Variants in CBL observed in about 807,000 individuals in gnomAD.
CBL encodes E3 ubiquitin-protein ligase CBL.
A neutral mutation model predicts 96.9 loss-of-function variants in CBL; 45 were observed. That is an observed-to-expected ratio of 0.46 (90% CI 0.37 to 0.60). The LOEUF is 0.60. CBL is among the 20% of genes least tolerant of loss of function. The pLI, the probability that CBL is intolerant of heterozygous loss-of-function variation, is 0.00. For synonymous variants in CBL, 420 were observed against 426.8 expected, an observed-to-expected ratio of 0.98 and a Z score of 0.20; for missense variants, 1,024 against 1,143.5, an observed-to-expected ratio of 0.90 and a Z score of 1.51.
intron 9 of CBL, among the ~76,000 whole-genome samples, chr11:119,280,687 C>T (rs1044578889): frequency 4.6e-5 from 7 of 152,242 alleles, no homozygotes; most frequent in Middle Eastern, 3.4e-3. Flanking sequence ...TCTGTCCCCT[C>T]GTTCAGAGTT....
chr11:119,287,466 G>T (rs1054228874), intron 11 of CBL, among the ~76,000 whole-genome samples: 1 of 152,206 alleles, frequency 6.6e-6, no homozygotes, highest in African/African-American at 2.4e-5. Context: ...TGGTACCTGT[G>T]GGGTGGATAG....
chr11:119,227,778 G>A (rs536185628), intron 1 of CBL, among the ~76,000 whole-genome samples: 1 of 152,252 alleles, frequency 6.6e-6, no homozygotes, highest in African/African-American at 2.4e-5. Context: ...TCGAACTCCT[G>A]ACCTCAGGTG....
At chr11:119,272,896 C>T (rs887129799) in intron 3 of CBL, among the ~76,000 whole-genome samples, 1 of 151,926 alleles carries the variant, frequency 6.6e-6, no homozygotes, top group Non-Finnish European at 1.5e-5. Context: ...GCTGTATTGT[C>T]TCTCTATATA....
At chr11:119,208,051 C>A (rs944850364) in intron 1 of CBL, among the ~76,000 whole-genome samples, 1 of 152,074 alleles carries the variant, frequency 6.6e-6, no homozygotes, top group South Asian at 2.1e-4. Flanking sequence ...ATTAATGACA[C>A]AAGTATTCGT....
chr11:119,284,300 CT>C (rs1182392228), intron 9 of CBL, among the ~76,000 whole-genome samples: 2 of 151,122 alleles, frequency 1.3e-5, no homozygotes, highest in South Asian at 2.1e-4. Context: ...CACTGCCATC[CT>C]TTTTTTTTAT....
chr11:119,253,934 C>T (rs1949691115), intron 2 of CBL, among the ~76,000 whole-genome samples: 1 of 141,046 alleles, frequency 7.1e-6, no homozygotes, highest in Non-Finnish European at 1.5e-5. Context: ...GAGGTGAGAT[C>T]ACTTGAGGCC....
At position 119,284,978 on chromosome 11, in the gene CBL, C is replaced by T. The variant is rs2135309933; in HGVS notation, c.1441C>T (p.Pro481Ser). 6.2e-7 allele frequency: 1 copy of T among 1,614,140 alleles called. No homozygotes were observed. Among genetic ancestry groups the T allele is most frequent in the Non-Finnish European group, 8.5e-7 (1 of 1,180,024 alleles). ...TTTTTATGTACCCTAGGTGGAACGG[C>T]CGCCTTCTCCATTCTCCATGGCCCC... ...KELAGAKVER[P>S]PSPFSMAPQA... is the part of the protein sequence containing the mutation. Residue 481 changes from proline to serine, a missense_variant, in exon 10 of 16, where the codon CCG becomes TCG. Pro to Ser is a moderately conservative substitution (Grantham distance 74). Around this residue, in one of 4 missense-constraint regions of CBL, gnomAD observed 695 missense variants for 661.6 expected, o/e 1.05. Coordinates refer to ENST00000264033, the MANE Select transcript of CBL (RefSeq NM_005188.4).
chr11:119,219,561 CCA>C (rs1949391498), intron 1 of CBL, among the ~76,000 whole-genome samples: 1 of 151,874 alleles, frequency 6.6e-6, no homozygotes, highest in Non-Finnish European at 1.5e-5. Flanking sequence ...TTTGAGGCAA[CCA>C]CTGAGGGTCT....
intron 12 of CBL, among the ~76,000 whole-genome samples, chr11:119,291,822 T>TTTTGTTTATA (rs1256757457): frequency 3.3e-5 from 5 of 152,160 alleles, no homozygotes; most frequent in Non-Finnish European, 7.4e-5. Context: ...TCCTTTGTGG[T>TTTTGTTTATA]TTTGTTTATA....
At position 119,234,073 on chromosome 11, in the gene CBL, C is replaced by G. The variant is rs187006201; in HGVS notation, c.443+1378C>G. 5.5e-4 allele frequency among the ~76,000 whole-genome samples: 83 copies of G among 152,254 alleles called. 1 individual carries two copies. The East Asian group carries it at 0.013, about 23-fold the overall frequency. ...CCAGGCTGGAGTGCAGTGGTGTGAT[C>G]TTGGCTCACCGCAACCTCCGCCTCT... is the stretch of plus-strand genomic sequence containing the variant. On this transcript the variant is annotated intron_variant, in intron 2 of 15. Coordinates refer to ENST00000264033, the MANE Select transcript of CBL (RefSeq NM_005188.4).
intron 6 of CBL, among the ~76,000 whole-genome samples, chr11:119,276,723 A>G (rs1213819206): frequency 6.6e-6 from 1 of 152,224 alleles, no homozygotes; most frequent in Non-Finnish European, 1.5e-5. Context: ...TTTTGAAGTG[A>G]TTAGGAAAAT....
At position 119,300,154 on chromosome 11, in the gene CBL, G is replaced by C. The variant is rs982137037; in HGVS notation, c.*373G>C. On this transcript the variant is annotated 3_prime_UTR_variant, in exon 16 of 16. Coordinates refer to ENST00000264033, the MANE Select transcript of CBL (RefSeq NM_005188.4). ...GTTAAGGATGTGGCCGTGTGTGTGT[G>C]TGTCTGCCTGTGGTTGTATGTGTCC... 9.5e-6 allele frequency: 5 copies of C among 524,438 alleles called. No individual in the cohort carries two copies. The highest frequency in any genetic ancestry group is 1.7e-5 in the Non-Finnish European group (5 of 296,906). The allele number at this position is 524,438 out of a possible 1,614,324, so 32.5% of individuals were successfully genotyped here. A position where few individuals can be genotyped will look rare whatever the true frequency, so the allele number is the denominator to read the frequency against.
intron 1 of CBL, among the ~76,000 whole-genome samples, chr11:119,210,649 A>G (rs1949309238): frequency 8.4e-6 from 1 of 119,364 alleles, no homozygotes; most frequent in African/African-American, 3.5e-5. Context: ...GATTTTCACC[A>G]TGTTGGCCAG....
chr11:119,284,275 C>T (rs1949963395), intron 9 of CBL, among the ~76,000 whole-genome samples: 2 of 152,018 alleles, frequency 1.3e-5, no homozygotes, highest in Admixed American at 1.3e-4. Context: ...AGGTTAATAT[C>T]TGCACCCCCC....
chr11:119,267,486 T>C (rs926985412), intron 2 of CBL, among the ~76,000 whole-genome samples: 1 of 152,210 alleles, frequency 6.6e-6, no homozygotes, highest in Admixed American at 6.5e-5. Context: ...ATAACCAGCA[T>C]GGTCCAGTTA....
intron 9 of CBL, among the ~76,000 whole-genome samples, chr11:119,281,170 C>G (rs1949930545): frequency 6.6e-6 from 1 of 152,186 alleles, no homozygotes; most frequent in Non-Finnish European, 1.5e-5. Context: ...TGCCACACTA[C>G]TTGTCACCCT....
rs971381642 is a variant in CBL, at chr11:119,304,558, C to G, written c.*4777C>G. 4.3e-6 allele frequency: 1 copy of G among 232,530 alleles called. No individual in the cohort carries two copies. The highest frequency in any genetic ancestry group is 2.2e-5 in the African/African-American group (1 of 45,254). 14.4% of individuals were successfully genotyped at this position (232,530 alleles called of 1,614,324 possible). On this transcript the variant is annotated 3_prime_UTR_variant, in exon 16 of 16. Transcript: ENST00000264033. ...TATATGTGGCCCCCAAATAGGCACT[C>G]TAGTCCTCAAGTCTACACCACCTTC... is the stretch of plus-strand genomic sequence containing the variant.
chr11:119,212,342 G>A (rs1434810483), intron 1 of CBL, among the ~76,000 whole-genome samples: 1 of 151,818 alleles, frequency 6.6e-6, no homozygotes, highest in Non-Finnish European at 1.5e-5. Context: ...ATATTTTATT[G>A]GCCGGGTGTG....
At chr11:119,284,934 CG>C in intron 9 of CBL, 34 bp from the exon 10 acceptor site, 1 of 1,612,874 alleles carries the variant, frequency 6.2e-7, no homozygotes, top group Non-Finnish European at 8.5e-7. Context: ...TTTCCCCAAA[CG>C]AAAGTAATCT....
Sources: gnomAD v4.1 joint callset for allele counts (sites outside exome capture counted in the v4.1 genomes callset) on GRCh38, gnomAD v4.1.1 for gene constraint, gnomAD v4.1.1 regional missense constraint, MANE v1.5 for transcripts, NCBI Gene and HGNC (gene_info 2026-07-23, HGNC 2026-07-21) for gene names.